The following SUFU variants were observed in gnomAD, a reference collection of about 807,000 sequenced individuals.
SUFU encodes suppressor of fused homolog.
In SUFU, 7 loss-of-function variants were observed where a neutral mutation model predicts 58.9. The observed-to-expected ratio is 0.12, with a 90% CI of 0.07 to 0.22. The LOEUF (loss-of-function observed/expected upper bound fraction) is 0.22. Ranked by LOEUF, SUFU falls within the 10% of genes least tolerant of loss-of-function variation. The pLI, the probability that SUFU is intolerant of heterozygous loss-of-function variation, is 1.00. For synonymous variants in SUFU, 232 were observed against 254.8 expected (o/e 0.91, Z 0.85); for missense variants, 451 against 641.3 (o/e 0.70, Z 3.20).
intron 10 of SUFU, among the ~76,000 whole-genome samples, chr10:102,622,455 C>A (rs1289321092): frequency 1.3e-5 from 2 of 151,972 alleles, no homozygotes; most frequent in African/African-American, 2.4e-5. Context: ...ACTAAAAATA[C>A]AAAATTGCCA....
At chr10:102,515,848 G>A (rs2062461990) in intron 2 of SUFU, among the ~76,000 whole-genome samples, 1 of 152,120 alleles carries the variant, frequency 6.6e-6, no homozygotes, top group Admixed American at 6.5e-5. Context: ...CTGAAGCCTG[G>A]TCCCTCTGCC....
At chr10:102,523,937 C>A (rs546165149) in intron 2 of SUFU, among the ~76,000 whole-genome samples, 8 of 152,216 alleles carry the variant, frequency 5.3e-5, no homozygotes, top group Non-Finnish European at 1.0e-4. Context: ...GCCCCCCTTG[C>A]TTTTCCTCTG....
At chr10:102,555,059 G>C (rs1410575543) in intron 3 of SUFU, among the ~76,000 whole-genome samples, 2 of 152,070 alleles carry the variant, frequency 1.3e-5, no homozygotes, top group African/African-American at 2.4e-5. Context: ...ACAAGGTCAG[G>C]AGATCAAGAC....
upstream of SUFU, chr10:102,503,949 G>A (rs574840387): frequency 4.2e-5 from 28 of 662,028 alleles, no homozygotes; most frequent in Non-Finnish European, 5.8e-5. Context: ...TTAGCGCCCC[G>A]CCGCCCCGAG....
At chr10:102,534,951 A>G (rs1397003157) in intron 2 of SUFU, among the ~76,000 whole-genome samples, 1 of 152,118 alleles carries the variant, frequency 6.6e-6, no homozygotes, top group Non-Finnish European at 1.5e-5. Flanking sequence ...GAGGGAGGCC[A>G]CTGAAGGAAA....
intron 3 of SUFU, among the ~76,000 whole-genome samples, chr10:102,588,687 T>G (rs1400907743): frequency 6.6e-6 from 1 of 152,226 alleles, no homozygotes; most frequent in Admixed American, 6.5e-5. Flanking sequence ...GGGATTGCAC[T>G]GAACCCGTAG....
At chr10:102,529,028 CTAT>C (rs907720731) in intron 2 of SUFU, among the ~76,000 whole-genome samples, 2 of 76,958 alleles carry the variant, frequency 2.6e-5, no homozygotes, top group African/African-American at 4.7e-5. Flanking sequence ...GGTTTTTTTT[CTAT>C]TATTTTGTTT....
chr10:102,503,956 C>G (rs952113228), upstream of SUFU: 17 of 728,018 alleles, frequency 2.3e-5, no homozygotes, highest in Non-Finnish European at 3.1e-5. Context: ...CCCGCCGCCC[C>G]GAGGCACCCT....
At chr10:102,555,249 C>A (rs969363835) in intron 3 of SUFU, among the ~76,000 whole-genome samples, 1 of 112,876 alleles carries the variant, frequency 8.9e-6, no homozygotes, top group Non-Finnish European at 1.6e-5. Context: ...GCCTGGGCGT[C>A]AGAGTGAGAC....
intron 3 of SUFU, among the ~76,000 whole-genome samples, chr10:102,563,749 G>A (rs2063061720): frequency 6.6e-6 from 1 of 151,436 alleles, no homozygotes; most frequent in African/African-American, 2.4e-5. Context: ...AAGGTGAAAT[G>A]GCCAGTTTGG....
chr10:102,602,985 C>T (rs1457443025), intron 8 of SUFU, among the ~76,000 whole-genome samples: 1 of 152,142 alleles, frequency 6.6e-6, no homozygotes, highest in Non-Finnish European at 1.5e-5. Context: ...CACATGAGGA[C>T]AGCCTGGCTT....
intron 8 of SUFU, among the ~76,000 whole-genome samples, chr10:102,607,781 C>G (rs886138165): frequency 2.0e-5 from 3 of 151,972 alleles, no homozygotes; most frequent in Admixed American, 2.0e-4. Flanking sequence ...GAAACGGTTG[C>G]GTGCCTGTAG....
At chr10:102,588,694 G>A (rs186689278) in intron 3 of SUFU, among the ~76,000 whole-genome samples, 4 of 152,258 alleles carry the variant, frequency 2.6e-5, no homozygotes, top group East Asian at 1.9e-4. Context: ...CACTGAACCC[G>A]TAGATGGATT....
chr10:102,614,927 G>A (rs2063669535), intron 8 of SUFU, among the ~76,000 whole-genome samples: 1 of 150,702 alleles, frequency 6.6e-6, no homozygotes, highest in Admixed American at 6.6e-5. Flanking sequence ...AGGCTTTATA[G>A]AATCAGACCT....
At chr10:102,602,565 T>C (rs1590070431) in intron 8 of SUFU, among the ~76,000 whole-genome samples, 1 of 152,378 alleles carries the variant, frequency 6.6e-6, no homozygotes, top group African/African-American at 2.4e-5. Context: ...TATGTCATAA[T>C]TGGCTCATTT....
intron 8 of SUFU, among the ~76,000 whole-genome samples, chr10:102,608,504 G>C (rs1391202953): frequency 1.3e-5 from 2 of 152,250 alleles, no homozygotes; most frequent in Non-Finnish European, 2.9e-5. Context: ...CTCAGGCTGA[G>C]AGTTGAGGGT....
chr10:102,599,872 C>A (rs973016786), intron 8 of SUFU, among the ~76,000 whole-genome samples: 2 of 152,186 alleles, frequency 1.3e-5, no homozygotes, highest in Non-Finnish European at 1.5e-5. Context: ...GAGCACGGTT[C>A]CCTCCTTATC....
At chr10:102,578,877 A>AG (rs1026425515) in intron 3 of SUFU, among the ~76,000 whole-genome samples, 2 of 113,888 alleles carry the variant, frequency 1.8e-5, no homozygotes, top group Non-Finnish European at 3.7e-5. Context: ...TCTCAAAGGG[A>AG]GAAAAAAAAA....
chr10:102,509,179 C>T lies in SUFU; in HGVS notation c.193C>T (p.Pro65Ser). 1.2e-6 allele frequency: 2 copies of T among 1,614,076 alleles called. No homozygotes were observed. Among genetic ancestry groups the T allele is most frequent in the Non-Finnish European group, 1.7e-6 (2 of 1,180,026 alleles). ...TTTTGTTTTTTGCAGGTTGGGTGGC[C>T]CAGACCCCTTGGACTATGTTAGCAT... is the stretch of plus-strand genomic sequence containing the variant. ...TAIVKYWLGG[P>S]DPLDYVSMYR... Residue 65 changes from proline (P) to serine (S), a missense_variant, in exon 2 of 12, where the codon CCA (proline) becomes TCA (serine). By Grantham distance (74) the Pro-to-Ser change is moderately conservative. Coordinates refer to ENST00000369902, the MANE Select transcript of SUFU (RefSeq NM_016169.4).
Sources: gnomAD v4.1 joint callset for allele counts (sites outside exome capture counted in the v4.1 genomes callset) on GRCh38, gnomAD v4.1.1 for gene constraint, MANE v1.5 for transcripts, NCBI Gene and HGNC (gene_info 2026-07-23, HGNC 2026-07-21) for gene names.